Variants in B4GALT6 observed in about 807,000 individuals in gnomAD.
B4GALT6 encodes the protein UDP-Gal:beta-GlcNAc beta-1,4-galactosyltransferase 6.
In B4GALT6, 14 loss-of-function variants were observed where a neutral mutation model predicts 46.3. That is an observed-to-expected ratio of 0.30 (90% confidence interval 0.20 to 0.47). B4GALT6 has a LOEUF of 0.47. Ranked by LOEUF, B4GALT6 falls within the 20% of genes least tolerant of loss-of-function variation. The probability of loss-of-function intolerance (pLI) is 0.99; values close to 1 mark genes in which losing one functional copy is unlikely to be tolerated. For synonymous variants in B4GALT6, 168 were observed against 162.0 expected, an observed-to-expected ratio of 1.04 and a Z score of -0.28; for missense variants, 386 against 480.1, an observed-to-expected ratio of 0.80 and a Z score of 1.83.
the B4GALT6 span, among the ~76,000 whole-genome samples, chr18:31,721,485 T>C: frequency 6.6e-6 from 1 of 152,262 alleles, no homozygotes; most frequent in African/African-American, 2.4e-5. Context: ...GTGTGTCAAC[T>C]TGACTAGGCA....
intron 6 of B4GALT6, among the ~76,000 whole-genome samples, chr18:31,627,647 T>G (rs1481273822): frequency 6.6e-6 from 1 of 152,218 alleles, no homozygotes; most frequent in Non-Finnish European, 1.5e-5. Context: ...TCTCAAAATA[T>G]TCATGGATAT....
At chr18:31,687,629 G>A (rs1462170384), upstream of B4GALT6, among the ~76,000 whole-genome samples, 1 of 152,026 alleles carries the variant, frequency 6.6e-6, no homozygotes, top group East Asian at 1.9e-4. Flanking sequence ...TCCTGTAATA[G>A]TGAGACATAA....
intron 1 of B4GALT6, among the ~76,000 whole-genome samples, chr18:31,681,741 G>C (rs1224000799): frequency 2.0e-5 from 3 of 152,188 alleles, no homozygotes; most frequent in African/African-American, 7.2e-5. Flanking sequence ...GCTCAGGACA[G>C]AAAACAAGTA....
upstream of B4GALT6, chr18:31,686,343 C>T (rs1567988776): frequency 6.6e-6 from 1 of 152,122 alleles, no homozygotes; most frequent in Non-Finnish European, 1.5e-5. Context: ...TGTATAAGCC[C>T]AAGCCTTTCA....
chr18:31,719,086 A>T, the B4GALT6 span: 1 of 152,236 alleles, frequency 6.6e-6, no homozygotes. Context: ...TCAAGGGTAT[A>T]CAAATAGCTG....
At chr18:31,639,218 G>A (rs1184549744) in intron 4 of B4GALT6, among the ~76,000 whole-genome samples, 1 of 152,176 alleles carries the variant, frequency 6.6e-6, no homozygotes, top group African/African-American at 2.4e-5. Flanking sequence ...ACACATCTAA[G>A]AGGTAAGCTA....
chr18:31,672,882 G>C (rs934333972), intron 1 of B4GALT6, among the ~76,000 whole-genome samples: 100 of 152,288 alleles, frequency 6.6e-4, no homozygotes, highest in African/African-American at 2.4e-3. Context: ...AAGCCTACAG[G>C]AGATCACTGT....
rs527664497 is a variant in B4GALT6 at position 31,659,611 on chromosome 18, G to T, written c.233-1522C>A. Reference sequence around the variant, plus strand: ...TCACAGGGCATCAGTAAGGTGTTAAGGTAAATGCATTCCCAGAAAACCCCA... The same window carrying T: ...TCACAGGGCATCAGTAAGGTGTTAATGTAAATGCATTCCCAGAAAACCCCA... On this transcript the variant is annotated intron_variant, in intron 2 of 8. Coordinates refer to ENST00000306851, the MANE Select transcript of B4GALT6 (RefSeq NM_004775.5). Among the ~76,000 whole-genome samples, 3 of 152,264 alleles carry T rather than the reference G, an allele frequency of 2.0e-5. No individual in the cohort carries two copies. In the South Asian group the frequency reaches 6.2e-4, roughly 32 times the overall value.
chr18:31,717,229 T>C, the B4GALT6 span, among the ~76,000 whole-genome samples: 1 of 152,164 alleles, frequency 6.6e-6, no homozygotes, highest in African/African-American at 2.4e-5. Flanking sequence ...TACAAAAGAA[T>C]ACTACTTAAT....
Position 31,658,106 on chromosome 18 carries a change from A to G in B4GALT6, c.233-17T>C, listed in dbSNP as rs1598905088. 1.3e-6 allele frequency: 2 copies of G among 1,541,228 alleles called. No individual in the cohort carries two copies. On this transcript the variant is annotated splice_polypyrimidine_tract_variant and intron_variant, in intron 2 of 8. Transcript: ENST00000306851. ...CGGGATAATCTTGGAAAGAGAGAAA[A>G]GAGTTACAAAAAAAAAAAAAAGGCC...
rs957803512 is a variant in B4GALT6, at chr18:31,643,846, G to C, written c.471+1509C>G. On this transcript the variant is annotated intron_variant, in intron 4 of 8. Transcript: ENST00000306851. ...TATGCTACCCAGAGCACACCTGAGG[G>C]GTGTGCTACATTCTGTACAAACAAC... Among the ~76,000 whole-genome samples, 36 of 152,044 alleles carry C rather than the reference G, an allele frequency of 2.4e-4. 2 individuals are homozygous for C. Among genetic ancestry groups the C allele is most frequent in the Non-Finnish European group, 4.4e-5 (3 of 68,014 alleles).
chr18:31,625,353 G>T lies in B4GALT6; in HGVS notation c.*261C>A. The T allele has an allele frequency of 5.4e-6, 2 of 367,030 alleles. No individual in the cohort carries two copies. The highest frequency in any genetic ancestry group is 9.6e-6 in the Non-Finnish European group (2 of 207,892). The allele number at this position is 367,030 out of a possible 1,614,324, so 22.7% of individuals were successfully genotyped here. A position where few individuals can be genotyped will look rare whatever the true frequency, so the allele number is the denominator to read the frequency against. ...ATTTTAGTATAAAAATTTTCTCTTCGGAGGGAGCTCTCTTAACTTCCGATC... is the reference window on the plus strand; with the variant it reads ...ATTTTAGTATAAAAATTTTCTCTTCTGAGGGAGCTCTCTTAACTTCCGATC... On this transcript the variant is annotated 3_prime_UTR_variant, in exon 9 of 9. Transcript: ENST00000306851.
upstream of B4GALT6, among the ~76,000 whole-genome samples, chr18:31,689,930 A>G (rs2030054320): frequency 6.6e-6 from 1 of 152,164 alleles, no homozygotes; most frequent in Admixed American, 6.5e-5. Flanking sequence ...TACTGAACAG[A>G]CAAAACAATA....
At chr18:31,642,521 T>G (rs955031909) in intron 4 of B4GALT6, among the ~76,000 whole-genome samples, 2 of 152,220 alleles carry the variant, frequency 1.3e-5, no homozygotes, top group Non-Finnish European at 2.9e-5. Context: ...CATCAAGCCC[T>G]CCATCTGAAA....
At chr18:31,664,596 CT>C (rs1302790909) in intron 2 of B4GALT6, among the ~76,000 whole-genome samples, 1 of 151,200 alleles carries the variant, frequency 6.6e-6, no homozygotes, top group Non-Finnish European at 1.5e-5. Flanking sequence ...ATCATTCCTC[CT>C]AATCAAGCTC....
chr18:31,693,179 T>C, the B4GALT6 span, among the ~76,000 whole-genome samples: 1 of 152,186 alleles, frequency 6.6e-6, no homozygotes, highest in Non-Finnish European at 1.5e-5. Context: ...TAAAAATGAT[T>C]TACTAGAACT....
upstream of B4GALT6, among the ~76,000 whole-genome samples, chr18:31,688,553 C>G (rs2144773940): frequency 6.6e-6 from 1 of 152,066 alleles, no homozygotes; most frequent in Non-Finnish European, 1.5e-5. Flanking sequence ...TGGTAGCAGC[C>G]CTACTTCAGC....
At chr18:31,647,958 A>G (rs554089103) in intron 3 of B4GALT6, among the ~76,000 whole-genome samples, 1 of 152,042 alleles carries the variant, frequency 6.6e-6, no homozygotes, top group Non-Finnish European at 1.5e-5. Context: ...TTTAGGTTTC[A>G]CTCAAGAAAG....
chr18:31,640,016 T>C (rs891515935), intron 4 of B4GALT6, among the ~76,000 whole-genome samples: 1 of 152,158 alleles, frequency 6.6e-6, no homozygotes, highest in Non-Finnish European at 1.5e-5. Flanking sequence ...TTATTATTAT[T>C]GTGAATTTTC....
Sources: allele counts gnomAD v4.1 joint callset (sites outside exome capture counted in the v4.1 genomes callset), GRCh38; gene constraint gnomAD v4.1.1; transcripts MANE v1.5; gene names NCBI Gene and HGNC (gene_info 2026-07-23, HGNC 2026-07-21).